Variants in OSBPL3 observed in about 807,000 individuals in gnomAD.
The protein encoded by OSBPL3 is oxysterol-binding protein-related protein 3.
OSBPL3 carries 65 observed loss-of-function variants against 120.1 expected under a neutral mutation model. The observed-to-expected ratio is 0.54, with a 90% CI of 0.44 to 0.67. The LOEUF (loss-of-function observed/expected upper bound fraction) is 0.67, where lower values mean the gene tolerates loss of function less well. Ranked by LOEUF, OSBPL3 falls within the 30% of genes least tolerant of loss-of-function variation. The pLI, the probability that OSBPL3 is intolerant of heterozygous loss-of-function variation, is 0.00. For synonymous variants in OSBPL3, 416 were observed against 402.6 expected (o/e 1.03, Z -0.40); for missense variants, 1,004 against 1,082.1 (o/e 0.93, Z 1.01).
rs762778508 is a variant in OSBPL3, at chr7:24,834,287, C to T, written c.1746+199G>A. On this transcript the variant is annotated intron_variant, in intron 15 of 22. Coordinates refer to ENST00000313367, the MANE Select transcript of OSBPL3 (RefSeq NM_015550.4). This position sits in a 1 kb window ranked among gnomAD's most constrained non-coding sequence, Gnocchi z 5.2. ...CAAGTGCCACGGAGAAGCACCCCAA[C>T]CCCGTCTCCAAATCCTCACAAGGTG... 1.4e-6 allele frequency: 2 copies of T among 1,413,440 alleles called. No individual in the cohort carries two copies. The highest frequency in any genetic ancestry group is 5.4e-5 in the East Asian group (2 of 37,158). The allele number at this position is 1,413,440 out of a possible 1,614,324, so 87.6% of individuals were successfully genotyped here.
rs937507581 is a variant in OSBPL3 at position 24,867,543 on chromosome 7, T to C, written c.382-1306A>G. Among the ~76,000 whole-genome samples, 3 of 152,104 alleles carry C rather than the reference T, an allele frequency of 2.0e-5. No homozygotes were observed. The highest frequency in any genetic ancestry group is 7.2e-5 in the African/African-American group (3 of 41,396). On this transcript the variant is annotated intron_variant, in intron 5 of 22. Transcript: ENST00000313367. The surrounding 1 kb of genome is among the most constrained non-coding windows in gnomAD (Gnocchi z 4.5). ...TGGGTCTCGCAAGATCTGGTGGTATTATAAAGTGGTGTTTCCCTGCACAAA... is the reference window on the plus strand; with the variant it reads ...TGGGTCTCGCAAGATCTGGTGGTATCATAAAGTGGTGTTTCCCTGCACAAA...
rs1803683502 is a variant in OSBPL3 at position 24,881,535 on chromosome 7, G to C, written c.97-9466C>G. Among the ~76,000 whole-genome samples the C allele has an allele frequency of 6.6e-6, 1 of 152,176 alleles. No homozygotes were observed. The highest frequency in any genetic ancestry group is 2.1e-4 in the South Asian group (1 of 4,826). ...TTAATAAAAGGGATACCACAAGGTTGAAAATTTGTAAATTGTCAAATGGGA... is the reference window on the plus strand; with the variant it reads ...TTAATAAAAGGGATACCACAAGGTTCAAAATTTGTAAATTGTCAAATGGGA... On this transcript the variant is annotated intron_variant, in intron 2 of 22. Coordinates refer to ENST00000313367, the MANE Select transcript of OSBPL3 (RefSeq NM_015550.4). This position sits in a 1 kb window ranked among gnomAD's most constrained non-coding sequence, Gnocchi z 4.3.
rs1372083247 is a variant in OSBPL3 at position 24,831,968 on chromosome 7, G to A, written c.1747-1063C>T. ...TGTAATCCCAGCACTTTGGGAGACCGAGGCAGGTGGATCTGCTTGAGCCCA... is the reference window on the plus strand; with the variant it reads ...TGTAATCCCAGCACTTTGGGAGACCAAGGCAGGTGGATCTGCTTGAGCCCA... On this transcript the variant is annotated intron_variant, in intron 15 of 22. Coordinates refer to ENST00000313367, the MANE Select transcript of OSBPL3 (RefSeq NM_015550.4). The surrounding 1 kb of genome is among the most constrained non-coding windows in gnomAD (Gnocchi z 4.0). Among the ~76,000 whole-genome samples the A allele has an allele frequency of 4.6e-5, 7 of 152,092 alleles. No individual in the cohort carries two copies. The South Asian group carries it at 1.0e-3, about 23-fold the overall frequency.
At chr7:24,903,593 A>G (rs1217021082) in intron 1 of OSBPL3, among the ~76,000 whole-genome samples, 1 of 152,238 alleles carries the variant, frequency 6.6e-6, no homozygotes, top group Non-Finnish European at 1.5e-5. Flanking sequence ...ATCACCAAAT[A>G]GATATGTTGA....
intron 1 of OSBPL3, among the ~76,000 whole-genome samples, chr7:24,935,859 C>A (rs892415662): frequency 3.3e-5 from 5 of 151,800 alleles, no homozygotes; most frequent in Admixed American, 3.3e-4. Context: ...AAGGTATGTT[C>A]TGTATATTCT....
In OSBPL3 at chr7:24,854,330, G is replaced by A. The variant is rs1265802121; in HGVS notation, c.1028-1696C>T. Among the ~76,000 whole-genome samples, 4 of 152,072 alleles carry A rather than the reference G, an allele frequency of 2.6e-5. No individual in the cohort carries two copies. Among genetic ancestry groups the A allele is most frequent in the Non-Finnish European group, 5.9e-5 (4 of 68,010 alleles). On this transcript the variant is annotated intron_variant, in intron 10 of 22. Transcript: ENST00000313367. The surrounding 1 kb of genome is among the most constrained non-coding windows in gnomAD (Gnocchi z 4.1). ...TAGAGGTATTGTTATTCAAGAGTGG[G>A]CTATTTAGTAACACAGAAACTAAAT... is the stretch of plus-strand genomic sequence containing the variant.
chr7:24,973,230 G>A (rs1279222555), intron 1 of OSBPL3, among the ~76,000 whole-genome samples: 1 of 152,134 alleles, frequency 6.6e-6, no homozygotes, highest in Admixed American at 6.5e-5. Flanking sequence ...CACCCACTCA[G>A]AGAACTGGGC....
intron 2 of OSBPL3, among the ~76,000 whole-genome samples, chr7:24,888,104 C>T (rs913830370): frequency 2.0e-5 from 3 of 152,000 alleles, no homozygotes; most frequent in Middle Eastern, 3.4e-3. Flanking sequence ...TTTTGTACAA[C>T]ACTAAAAAGG....
Position 24,912,074 on chromosome 7 carries a change from A to G in OSBPL3, c.-149-19453T>C. On this transcript the variant is annotated intron_variant, in intron 1 of 22. Coordinates refer to ENST00000313367, the MANE Select transcript of OSBPL3 (RefSeq NM_015550.4). The surrounding 1 kb of genome is among the most constrained non-coding windows in gnomAD (Gnocchi z 4.5). ...TTTCTTAATTGACACGGTAGGTAGTAGGTTATTTGTTTATCAAATTGATAA... is the reference window on the plus strand; with the variant it reads ...TTTCTTAATTGACACGGTAGGTAGTGGGTTATTTGTTTATCAAATTGATAA... 6.6e-6 allele frequency among the ~76,000 whole-genome samples: 1 copy of G among 152,212 alleles called. No individual in the cohort carries two copies.
Position 24,953,032 on chromosome 7 carries a change from G to A in OSBPL3, c.-150+26854C>T, listed in dbSNP as rs550880188. 1.2e-3 allele frequency among the ~76,000 whole-genome samples: 178 copies of A among 152,302 alleles called. No homozygotes were observed. Among genetic ancestry groups the A allele is most frequent in the Non-Finnish European group, 2.3e-3 (157 of 68,018 alleles). ...CATGCTTGTAGTCCCACCTACTTGA[G>A]AGACTAGGATAGGAGGGTCACTTGA... is the stretch of plus-strand genomic sequence containing the variant. On this transcript the variant is annotated intron_variant, in intron 1 of 22. Coordinates refer to ENST00000313367, the MANE Select transcript of OSBPL3 (RefSeq NM_015550.4). This position sits in a 1 kb window ranked among gnomAD's most constrained non-coding sequence, Gnocchi z 4.3.
chr7:24,928,855 T>C (rs777356611), intron 1 of OSBPL3, among the ~76,000 whole-genome samples: 12 of 152,216 alleles, frequency 7.9e-5, no homozygotes, highest in Non-Finnish European at 1.8e-4. Flanking sequence ...GTCCCTTCTT[T>C]TTTGCTGCTG....
chr7:24,979,962 A>G lies in OSBPL3; in HGVS notation c.-226T>C. The G allele has an allele frequency of 1.0e-6, 1 of 982,338 alleles. No homozygotes were observed. Among genetic ancestry groups the G allele is most frequent in the Non-Finnish European group, 1.2e-6 (1 of 828,724 alleles). 60.9% of individuals were successfully genotyped at this position (982,338 alleles called of 1,614,324 possible). A position where few individuals can be genotyped will look rare whatever the true frequency, so the allele number is the denominator to read the frequency against. ...GGGGTTAGCGCACAGAACCGGGAGA[A>G]GGCAACCCCGGCTTCTCCGGTACCC... On this transcript the variant is annotated 5_prime_UTR_variant, in exon 1 of 23. Transcript: ENST00000313367.
chr7:24,975,099 T>A (rs1342907882), intron 1 of OSBPL3, among the ~76,000 whole-genome samples: 1 of 152,222 alleles, frequency 6.6e-6, no homozygotes, highest in Non-Finnish European at 1.5e-5. Context: ...GAAATATTCA[T>A]TGATCCATAA....
At chr7:24,920,394 C>T (rs1303514318) in intron 1 of OSBPL3, among the ~76,000 whole-genome samples, 2 of 151,888 alleles carry the variant, frequency 1.3e-5, no homozygotes, top group Non-Finnish European at 2.9e-5. Flanking sequence ...TTTTAAAGGC[C>T]ATATATTGTA....
intron 19 of OSBPL3, 92 bp downstream of exon 19, chr7:24,814,967 A>C (rs758674863): frequency 3.6e-5 from 45 of 1,239,772 alleles, no homozygotes; most frequent in Non-Finnish European, 5.1e-5. Context: ...ATAAAGGTGA[A>C]GGCGAAAAAT....
At chr7:24,865,545 TG>T in intron 6 of OSBPL3, 80 bp from the exon 7 acceptor site, 3 of 1,404,150 alleles carry the variant, frequency 2.1e-6, no homozygotes, top group South Asian at 1.3e-5. Flanking sequence ...GATAACAGAG[TG>T]GGCTAGTCAC....
rs982914837 is a variant in OSBPL3, at chr7:24,802,973, T to A, written c.2567+1342A>T. Among the ~76,000 whole-genome samples the A allele has an allele frequency of 2.6e-5, 4 of 152,196 alleles. No homozygotes were observed. Among genetic ancestry groups the A allele is most frequent in the Non-Finnish European group, 4.4e-5 (3 of 68,032 alleles). ...GAAATTTTGGCCAGTTGATTTTCCA[T>A]CACTAATATCTTGAATTTGTGGAAA... On this transcript the variant is annotated intron_variant, in intron 22 of 22. Transcript: ENST00000313367. The surrounding 1 kb of genome is among the most constrained non-coding windows in gnomAD (Gnocchi z 4.1).
chr7:24,922,945 C>T lies in OSBPL3; in HGVS notation c.-149-30324G>A, dbSNP rs1369035999. 1.3e-5 allele frequency among the ~76,000 whole-genome samples: 2 copies of T among 151,222 alleles called. No homozygotes were observed. The highest frequency in any genetic ancestry group is 2.9e-5 in the Non-Finnish European group (2 of 67,880). On this transcript the variant is annotated intron_variant, in intron 1 of 22. Coordinates refer to ENST00000313367, the MANE Select transcript of OSBPL3 (RefSeq NM_015550.4). This position sits in a 1 kb window ranked among gnomAD's most constrained non-coding sequence, Gnocchi z 4.3. ...CAAGTTTGCTTACAGTTTTGGCAGT[C>T]GAAGAAAAAAAGGAAAAGAATAAGA...
rs1334205171 is a variant in OSBPL3, at chr7:24,863,680, T to C, written c.674-81A>G. ...GTGCTGTCCCCATGCCAGCTACTTT[T>C]CCTTATTTATCTGTAGTTGATTTTT... is the stretch of plus-strand genomic sequence containing the variant. On this transcript the variant is annotated intron_variant, in intron 7 of 22. Transcript: ENST00000313367. This position sits in a 1 kb window ranked among gnomAD's most constrained non-coding sequence, Gnocchi z 5.8. 1 of 886,610 alleles carries C rather than the reference T, an allele frequency of 1.1e-6. No homozygotes were observed. The allele number at this position is 886,610 out of a possible 1,614,324, so 54.9% of individuals were successfully genotyped here.
Sources: allele counts gnomAD v4.1 joint callset (sites outside exome capture counted in the v4.1 genomes callset), GRCh38; gene constraint gnomAD v4.1.1; non-coding constraint Gnocchi (gnomAD v3.1); transcripts MANE v1.5; gene names NCBI Gene and HGNC (gene_info 2026-07-23, HGNC 2026-07-21).